The following EMILIN2 variants were observed in gnomAD, a reference collection of about 807,000 sequenced individuals.
The protein encoded by EMILIN2 is elastin microfibril interfacer 2, also known as EMILIN-2.
In EMILIN2, 71 loss-of-function variants were observed where a neutral mutation model predicts 87.1. That is an observed-to-expected ratio of 0.82 (90% confidence interval 0.67 to 0.99). EMILIN2 has a LOEUF of 0.99. EMILIN2 is among the 50% of genes least tolerant of loss of function. The probability of loss-of-function intolerance (pLI) is 0.00; values close to 1 mark genes in which losing one functional copy is unlikely to be tolerated. For missense variants in EMILIN2, 1,407 were observed against 1,371.8 expected (o/e 1.03, Z -0.40); for synonymous variants, 581 against 563.4 (o/e 1.03, Z -0.44).
chr18:2,855,571 C>A (rs1001040642), intron 2 of EMILIN2, among the ~76,000 whole-genome samples: 3 of 152,148 alleles, frequency 2.0e-5, no homozygotes, highest in African/African-American at 7.2e-5. Flanking sequence ...GAGTTAAAAT[C>A]CTGAGGTAGC....
upstream of EMILIN2, among the ~76,000 whole-genome samples, chr18:2,846,632 T>C (rs2076574785): frequency 6.6e-6 from 1 of 152,080 alleles, no homozygotes; most frequent in Admixed American, 6.5e-5. The surrounding 1 kb of genome is among the most constrained non-coding windows in gnomAD (Gnocchi z 5.3). Flanking sequence ...GCGGGACTGA[T>C]AAACATGTCC....
rs71358792 is a variant in EMILIN2, at chr18:2,858,593, A to G, written c.257+10662A>G. On this transcript the variant is annotated intron_variant, in intron 2 of 7. Transcript: ENST00000254528. ...TATGTGTGTGTGTGTGTATATATAT[A>G]TATATATATGTGTATATATATATAT... Among the ~76,000 whole-genome samples the G allele has an allele frequency of 4.3e-4, 47 of 108,082 alleles. 1 individual carries two copies. Among genetic ancestry groups the G allele is most frequent in the African/African-American group, 2.3e-3 (43 of 18,684 alleles). 70.9% of individuals were successfully genotyped at this position (108,082 alleles called of 152,430 possible). A position where few individuals can be genotyped will look rare whatever the true frequency, so the allele number is the denominator to read the frequency against.
chr18:2,892,507 C>A (rs760991956), intron 4 of EMILIN2, 21 bp downstream of exon 4: 2 of 1,552,396 alleles, frequency 1.3e-6, no homozygotes, highest in East Asian at 4.5e-5. Context: ...TATTACAATT[C>A]TATTTCTTGT....
Position 2,891,611 on chromosome 18 carries a change from A to G in EMILIN2, c.1484A>G (p.Gln495Arg), listed in dbSNP as rs1313669429. Residue 495 changes from glutamine to arginine, a missense_variant, in exon 4 of 8, where the codon CAG becomes CGG. Transcript: ENST00000254528. This position sits in a 1 kb window ranked among gnomAD's most constrained non-coding sequence, Gnocchi z 4.6. Reference sequence around the variant, plus strand: ...AAGCAGCTTGTTGATCAGAAAATACAGTCTCTGGAAGACCGTCTGGGGAGC... The same window carrying G: ...AAGCAGCTTGTTGATCAGAAAATACGGTCTCTGGAAGACCGTCTGGGGAGC... ...DLKQLVDQKI[Q>R]SLEDRLGSVL... 6.2e-7 allele frequency: 1 copy of G among 1,614,084 alleles called. No individual in the cohort carries two copies. Among genetic ancestry groups the G allele is most frequent in the Non-Finnish European group, 8.5e-7 (1 of 1,180,034 alleles).
At chr18:2,911,201 C>T (rs2076939138) in intron 7 of EMILIN2, among the ~76,000 whole-genome samples, 5 of 152,204 alleles carry the variant, frequency 3.3e-5, no homozygotes, top group Admixed American at 3.3e-4. Flanking sequence ...GGGTCTTATA[C>T]ATTGGCATGC....
chr18:2,873,530 A>G (rs2076731768), intron 2 of EMILIN2, among the ~76,000 whole-genome samples: 1 of 151,746 alleles, frequency 6.6e-6, no homozygotes, highest in Admixed American at 6.6e-5. Flanking sequence ...ACACGGTGAA[A>G]CCCCATCTCT....
chr18:2,906,673 A>G, intron 4 of EMILIN2, 110 bp from the exon 5 acceptor site: 1 of 861,304 alleles, frequency 1.2e-6, no homozygotes. Context: ...GTGGCCGCAG[A>G]GTCCTCACGG....
intron 4 of EMILIN2, among the ~76,000 whole-genome samples, chr18:2,905,832 C>A (rs1285218711): frequency 6.9e-6 from 1 of 145,874 alleles, no homozygotes; most frequent in Non-Finnish European, 1.5e-5. Context: ...CCATCTTGGT[C>A]AGGCTGGTCT....
Position 2,913,376 on chromosome 18 carries a change from T to C in EMILIN2, c.3134T>C (p.Phe1045Ser). The C allele has an allele frequency of 6.2e-7, 1 of 1,607,152 alleles. No individual in the cohort carries two copies. Among genetic ancestry groups the C allele is most frequent in the Non-Finnish European group, 8.5e-7 (1 of 1,176,780 alleles). ...ATGTACTCCACATTTAGTGGGGTTTTCTTATATCCTTTCCTTTCCCACCTC... is the reference window on the plus strand; with the variant it reads ...ATGTACTCCACATTTAGTGGGGTTTCCTTATATCCTTTCCTTTCCCACCTC... ...DEMYSTFSGV[F>S]LYPFLSHL Residue 1045 changes from phenylalanine (F) to serine (S), a missense_variant, in exon 8 of 8, where the codon TTC becomes TCC. Phe to Ser is a radical substitution (Grantham distance 155). Coordinates refer to ENST00000254528, the MANE Select transcript of EMILIN2 (RefSeq NM_032048.3).
chr18:2,888,306 T>C (rs1156828837), intron 3 of EMILIN2, among the ~76,000 whole-genome samples: 1 of 152,224 alleles, frequency 6.6e-6, no homozygotes, highest in East Asian at 1.9e-4. Context: ...GAGCAAAGCA[T>C]TTCCTTACAT....
In EMILIN2 at chr18:2,847,757, T is replaced by C. The variant is rs2076582676; in HGVS notation, c.135-52T>C. On this transcript the variant is annotated intron_variant, in intron 1 of 7. Transcript: ENST00000254528. The surrounding 1 kb of genome is among the most constrained non-coding windows in gnomAD (Gnocchi z 4.5). ...CGCAGTCCCCTCTCCCCTGGCCTCA[T>C]TGTTCTCCGGGTTTACCCCGTGCCC... 7 of 1,597,628 alleles carry C rather than the reference T, an allele frequency of 4.4e-6. No individual in the cohort carries two copies. The highest frequency in any genetic ancestry group is 2.2e-5 in the South Asian group (2 of 90,102).
At position 2,880,457 on chromosome 18, in the gene EMILIN2, A is replaced by C. The variant is rs2076771205; in HGVS notation, c.258-4507A>C. On this transcript the variant is annotated intron_variant, in intron 2 of 7. Transcript: ENST00000254528. This position sits in a 1 kb window ranked among gnomAD's most constrained non-coding sequence, Gnocchi z 4.1. Reference sequence around the variant, plus strand: ...GGAGAGTTCACAGGGGCGAGGCGGCAGGGCGACAGGCCCAGGGTTACAGCC... The same window carrying C: ...GGAGAGTTCACAGGGGCGAGGCGGCCGGGCGACAGGCCCAGGGTTACAGCC... 6.6e-6 allele frequency among the ~76,000 whole-genome samples: 1 copy of C among 152,170 alleles called. No homozygotes were observed. Among genetic ancestry groups the C allele is most frequent in the Non-Finnish European group, 1.5e-5 (1 of 68,008 alleles).
chr18:2,895,830 G>A (rs1350473937), intron 4 of EMILIN2, among the ~76,000 whole-genome samples: 1 of 152,216 alleles, frequency 6.6e-6, no homozygotes, highest in Non-Finnish European at 1.5e-5. Context: ...GACGTGGCTG[G>A]TATGTTTGGG....
chr18:2,910,996 C>G (rs1423941249), intron 7 of EMILIN2, among the ~76,000 whole-genome samples: 2 of 152,186 alleles, frequency 1.3e-5, no homozygotes, highest in African/African-American at 4.8e-5. Context: ...GTGGCAGTGG[C>G]CTTTGGGGTC....
intron 2 of EMILIN2, among the ~76,000 whole-genome samples, chr18:2,874,082 C>T (rs1164641226): frequency 6.6e-6 from 1 of 150,784 alleles, no homozygotes; most frequent in Non-Finnish European, 1.5e-5. Flanking sequence ...GTCCGTTGGC[C>T]ACCCTGATTT....
At chr18:2,897,963 T>C (rs1195914292) in intron 4 of EMILIN2, among the ~76,000 whole-genome samples, 1 of 152,130 alleles carries the variant, frequency 6.6e-6, no homozygotes, top group Non-Finnish European at 1.5e-5. Context: ...TCATCACTTA[T>C]GAACAAATTA....
At chr18:2,911,937 T>C (rs573869216) in intron 7 of EMILIN2, among the ~76,000 whole-genome samples, 1 of 149,826 alleles carries the variant, frequency 6.7e-6, no homozygotes, top group East Asian at 1.9e-4. Flanking sequence ...TGGAAAGCCC[T>C]CAGTTACTTG....
At position 2,909,969 on chromosome 18, in the gene EMILIN2, C is replaced by T. The variant is rs1338896715; in HGVS notation, c.2824+150C>T. On this transcript the variant is annotated intron_variant, in intron 7 of 7. Coordinates refer to ENST00000254528, the MANE Select transcript of EMILIN2 (RefSeq NM_032048.3). ...GATGCCCGAGTGGGCCTGCACTCCT[C>T]TGCCCGACTCTGTGGGCTTTCACGT... The T allele has an allele frequency of 5.7e-6, 6 of 1,047,702 alleles. No individual in the cohort carries two copies. In the Admixed American group the frequency reaches 1.2e-4, roughly 21 times the overall value. 64.9% of individuals were successfully genotyped at this position (1,047,702 alleles called of 1,614,324 possible).
intron 2 of EMILIN2, among the ~76,000 whole-genome samples, chr18:2,858,709 C>T (rs2076645283): frequency 6.6e-6 from 1 of 150,608 alleles, no homozygotes; most frequent in Non-Finnish European, 1.5e-5. Flanking sequence ...CATCTCGGCT[C>T]ACTGCAACCT....
Sources: allele counts gnomAD v4.1 joint callset (sites outside exome capture counted in the v4.1 genomes callset), GRCh38; gene constraint gnomAD v4.1.1; non-coding constraint Gnocchi (gnomAD v3.1); transcripts MANE v1.5; gene names NCBI Gene and HGNC (gene_info 2026-07-23, HGNC 2026-07-21).